Variants in NUAK1 observed in about 807,000 individuals in gnomAD.
The protein encoded by NUAK1 is NUAK family SNF1-like kinase 1.
NUAK1 carries 26 observed loss-of-function variants against 56.9 expected under a neutral mutation model. The observed-to-expected ratio is 0.46, with a 90% CI of 0.33 to 0.63. The LOEUF is 0.63. Among genes scored for constraint, NUAK1 ranks in the 30% least tolerant of loss-of-function variants. The pLI is 0.02. For synonymous variants in NUAK1, 337 were observed against 336.0 expected, an observed-to-expected ratio of 1.00 and a Z score of -0.03; for missense variants, 727 against 876.1, an observed-to-expected ratio of 0.83 and a Z score of 2.15.
intron 4 of NUAK1, among the ~76,000 whole-genome samples, chr12:106,077,534 C>T (rs1487517025): frequency 2.0e-5 from 3 of 152,194 alleles, no homozygotes; most frequent in East Asian, 1.9e-4. Context: ...AATACAGTCA[C>T]GTTCAGAGTG....
At chr12:106,118,451 C>A (rs2032941363) in intron 1 of NUAK1, among the ~76,000 whole-genome samples, 1 of 152,214 alleles carries the variant, frequency 6.6e-6, no homozygotes, top group African/African-American at 2.4e-5. Context: ...CTTCCTTTCT[C>A]TGGAATGTAA....
intron 2 of NUAK1, among the ~76,000 whole-genome samples, chr12:106,091,583 G>T (rs1475154317): frequency 1.3e-5 from 2 of 152,190 alleles, no homozygotes; most frequent in African/African-American, 4.8e-5. Context: ...AGAGAAAGAA[G>T]ACGGCGATGA....
At chr12:106,122,305 T>A (rs1197193377) in intron 1 of NUAK1, among the ~76,000 whole-genome samples, 1 of 152,170 alleles carries the variant, frequency 6.6e-6, no homozygotes, top group South Asian at 2.1e-4. Context: ...CCAAGTCCAG[T>A]GGCCATGAGC....
At chr12:106,128,922 G>A (rs750805712) in intron 1 of NUAK1, among the ~76,000 whole-genome samples, 19 of 152,150 alleles carry the variant, frequency 1.2e-4, no homozygotes, top group Non-Finnish European at 2.2e-4. Flanking sequence ...CACCCCAGCC[G>A]GTTTGCAATA....
intron 1 of NUAK1, among the ~76,000 whole-genome samples, chr12:106,131,059 T>C (rs17038156): frequency 0.016 from 2,442 of 152,262 alleles, 65 homozygotes; most frequent in African/African-American, 0.055. Flanking sequence ...TTGTCTTCGC[T>C]TCTTTCACAA....
At chr12:106,133,671 C>G (rs1323459541) in intron 1 of NUAK1, among the ~76,000 whole-genome samples, 1 of 152,158 alleles carries the variant, frequency 6.6e-6, no homozygotes, top group Non-Finnish European at 1.5e-5. Context: ...CAGTGGGATG[C>G]ACCACAAGCT....
At position 106,070,782 on chromosome 12, in the gene NUAK1, T is replaced by C; in HGVS notation, c.824A>G (p.Gln275Arg). The C allele has an allele frequency of 6.2e-7, 1 of 1,614,206 alleles. No homozygotes were observed. Among genetic ancestry groups the C allele is most frequent in the Non-Finnish European group, 8.5e-7 (1 of 1,180,022 alleles). The change falls in exon 6 of 7, where the codon CAG (glutamine) becomes CGG (arginine). Residue 275 changes from glutamine (Q) to arginine (R), a missense_variant. Transcript: ENST00000261402. ...CTCCACAGGGCACGCACCTGAGGGC[T>C]GTGTTGGCTCCCGGTACTCTCCGCT... ...ISSGEYREPT[Q>R]PSDARGLIRW...
intron 4 of NUAK1, among the ~76,000 whole-genome samples, chr12:106,080,351 T>C (rs1199831183): frequency 6.6e-6 from 1 of 152,192 alleles, no homozygotes; most frequent in Non-Finnish European, 1.5e-5. Context: ...CTCTTCTCAT[T>C]GTAAGACATT....
At chr12:106,103,520 G>T (rs1464702460) in intron 2 of NUAK1, 1 of 152,080 alleles carries the variant, frequency 6.6e-6, no homozygotes, top group African/African-American at 2.4e-5. Flanking sequence ...TATCAGCCTG[G>T]AATTCTATTT....
intron 3 of NUAK1, among the ~76,000 whole-genome samples, chr12:106,085,066 GA>G (rs954734674): frequency 6.6e-6 from 1 of 152,164 alleles, no homozygotes; most frequent in Non-Finnish European, 1.5e-5. Flanking sequence ...TCTGAATTCA[GA>G]AATGCACAAA....
chr12:106,132,981 G>C (rs116999550), intron 1 of NUAK1, among the ~76,000 whole-genome samples: 17 of 152,134 alleles, frequency 1.1e-4, no homozygotes, highest in African/African-American at 3.9e-4. Flanking sequence ...CTGTGAGTCA[G>C]GTTCTTCATC....
In NUAK1 at chr12:106,128,670, C is replaced by T. The variant is rs752051350; in HGVS notation, c.240+9744G>A. ...TCCCGCTGGAGATAACTAAGAGAAGCAGCTGCTACCTTTTTTAAACAGGGA... is the reference window on the plus strand; with the variant it reads ...TCCCGCTGGAGATAACTAAGAGAAGTAGCTGCTACCTTTTTTAAACAGGGA... On this transcript the variant is annotated intron_variant, in intron 1 of 6. Transcript: ENST00000261402. Among the ~76,000 whole-genome samples, 3 of 152,284 alleles carry T rather than the reference C, an allele frequency of 2.0e-5. No individual in the cohort carries two copies. In the East Asian group the frequency reaches 5.8e-4, roughly 29 times the overall value.
intron 2 of NUAK1, among the ~76,000 whole-genome samples, chr12:106,087,677 A>G (rs2136463118): frequency 6.6e-6 from 1 of 152,368 alleles, no homozygotes; most frequent in Middle Eastern, 3.4e-3. Flanking sequence ...CCTCACATGT[A>G]CTGACTCATT....
intron 1 of NUAK1, among the ~76,000 whole-genome samples, chr12:106,125,729 C>T (rs2033019331): frequency 6.6e-6 from 1 of 152,140 alleles, no homozygotes; most frequent in African/African-American, 2.4e-5. Flanking sequence ...CGCCCACACA[C>T]TCATTCATTT....
rs562366747 is a variant in NUAK1 at position 106,123,287 on chromosome 12, T to C, written c.240+15127A>G. ...GTGTGTGCCATGTCCTCATTCAACCTAGTGTCTAGAGCAGCACTAGTCCTG... is the reference window on the plus strand; with the variant it reads ...GTGTGTGCCATGTCCTCATTCAACCCAGTGTCTAGAGCAGCACTAGTCCTG... On this transcript the variant is annotated intron_variant, in intron 1 of 6. Transcript: ENST00000261402. Among the ~76,000 whole-genome samples, 8 of 152,292 alleles carry C rather than the reference T, an allele frequency of 5.3e-5. No homozygotes were observed. The East Asian group carries it at 1.5e-3, about 29-fold the overall frequency.
chr12:106,066,999 G>C lies in NUAK1; in HGVS notation c.1789C>G (p.Arg597Gly). The change falls in exon 7 of 7, where the codon CGC becomes GGC. Residue 597 changes from arginine (R) to glycine (G), a missense_variant. Coordinates refer to ENST00000261402, the MANE Select transcript of NUAK1 (RefSeq NM_014840.3). ...DLQENRPARQ[R>G]IRSCVSAENF... ...TCTGCAGAGACGCAGCTGCGGATGC[G>C]CTGGCGGGCAGGGCGATTCTCCTGC... 5 of 1,614,238 alleles carry C rather than the reference G, an allele frequency of 3.1e-6. No individual in the cohort carries two copies. Among genetic ancestry groups the C allele is most frequent in the Non-Finnish European group, 2.5e-6 (3 of 1,180,044 alleles).
chr12:106,082,801 C>T (rs770958669), intron 4 of NUAK1, among the ~76,000 whole-genome samples: 6 of 152,110 alleles, frequency 3.9e-5, no homozygotes, highest in Non-Finnish European at 8.8e-5. Context: ...TCCATCCTTC[C>T]AAGCAAGGAA....
At chr12:106,119,065 T>C (rs1045833278) in intron 1 of NUAK1, among the ~76,000 whole-genome samples, 1 of 152,192 alleles carries the variant, frequency 6.6e-6, no homozygotes, top group African/African-American at 2.4e-5. Flanking sequence ...GGCATGCTAA[T>C]AAGGGGACTA....
At chr12:106,106,261 G>C (rs1459730498) in intron 2 of NUAK1, 144 bp downstream of exon 2, 1 of 670,210 alleles carries the variant, frequency 1.5e-6, no homozygotes, top group Non-Finnish European at 2.4e-6. Context: ...AACCAAGTAA[G>C]AGATAACACC....
Sources: allele counts gnomAD v4.1 joint callset (sites outside exome capture counted in the v4.1 genomes callset), GRCh38; gene constraint gnomAD v4.1.1; transcripts MANE v1.5; gene names NCBI Gene and HGNC (gene_info 2026-07-23, HGNC 2026-07-21).